SH3BP5: variants seen among roughly 807,000 people sequenced by gnomAD.
SH3BP5 encodes SH3 domain binding protein 5, also known as SH3 domain-binding protein 5.
SH3BP5 carries 22 observed loss-of-function variants against 43.3 expected under a neutral mutation model. The observed-to-expected ratio is 0.51, with a 90% confidence interval of 0.36 to 0.73. The LOEUF (loss-of-function observed/expected upper bound fraction) is 0.73. Ranked by LOEUF, SH3BP5 falls within the 30% of genes least tolerant of loss-of-function variation. The probability of loss-of-function intolerance (pLI) is 0.00; values close to 1 mark genes in which losing one functional copy is unlikely to be tolerated. For synonymous variants in SH3BP5, 255 were observed against 225.8 expected (o/e 1.13, Z -1.16); for missense variants, 529 against 586.9 (o/e 0.90, Z 1.02).
chr3:15,274,465 C>T (rs868096865), intron 3 of SH3BP5, among the ~76,000 whole-genome samples: 17 of 152,018 alleles, frequency 1.1e-4, no homozygotes, highest in South Asian at 4.2e-4. Flanking sequence ...ATCCTGGGTG[C>T]GGGGAAAGTG....
In SH3BP5 at chr3:15,311,200, A is replaced by G. The variant is rs192887787; in HGVS notation, c.202-6969T>C. Among the ~76,000 whole-genome samples, 42 of 152,330 alleles carry G rather than the reference A, an allele frequency of 2.8e-4. No individual in the cohort carries two copies. The East Asian group carries it at 4.4e-3, about 16-fold the overall frequency. On this transcript the variant is annotated intron_variant, in intron 2 of 8. Coordinates refer to ENST00000383791, the MANE Select transcript of SH3BP5 (RefSeq NM_004844.5). ...TTCAGTTGGCAGAAAGAGGTTTCCC[A>G]GGCATTATCTGAGACACACAACAAC...
At position 15,256,029 on chromosome 3, in the gene SH3BP5, G is replaced by A. The variant is rs534762091; in HGVS notation, c.*57C>T. On this transcript the variant is annotated 3_prime_UTR_variant, in exon 9 of 9. Transcript: ENST00000383791. The stretch of plus-strand genomic sequence containing the variant: ...TATATTAAATGATTATTGGCACAAT[G>A]TTCTCCAGTTCCATGTATAAATGTT... The A allele has an allele frequency of 1.5e-6, 2 of 1,342,434 alleles. No homozygotes were observed. Among genetic ancestry groups the A allele is most frequent in the Admixed American group, 3.7e-5 (2 of 54,636 alleles). The allele number at this position is 1,342,434 out of a possible 1,614,324, so 83.2% of individuals were successfully genotyped here. A position where few individuals can be genotyped will look rare whatever the true frequency, so the allele number is the denominator to read the frequency against.
intron 3 of SH3BP5, among the ~76,000 whole-genome samples, chr3:15,290,528 A>C (rs1433854105): frequency 1.4e-5 from 2 of 147,400 alleles, no homozygotes; most frequent in African/African-American, 5.0e-5. Flanking sequence ...TCTGTCCCAA[A>C]AAAAAAAAAA....
At chr3:15,300,505 GGC>G (rs557300212) in intron 3 of SH3BP5, among the ~76,000 whole-genome samples, 1,818 of 13,710 alleles carry the variant, frequency 0.13, 21 homozygotes, top group Middle Eastern at 0.4. Context: ...AGGAAGCGGG[GGC>G]GGGGGGACAA....
chr3:15,321,647 G>GCAA (rs10662491), intron 2 of SH3BP5, among the ~76,000 whole-genome samples: 71,919 of 151,230 alleles, frequency 0.48, 18,144 homozygotes, highest in African/African-American at 0.65. Context: ...TCAGCAGCTA[G>GCAA]CAACAACTGG....
At chr3:15,262,583 G>T (rs925910933) in intron 4 of SH3BP5, among the ~76,000 whole-genome samples, 11 of 152,186 alleles carry the variant, frequency 7.2e-5, no homozygotes, top group Non-Finnish European at 1.5e-4. Context: ...CTTGAACCCG[G>T]AGGCAGAGGT....
chr3:15,282,384 T>G (rs1697155108), intron 3 of SH3BP5, among the ~76,000 whole-genome samples: 1 of 152,196 alleles, frequency 6.6e-6, no homozygotes, highest in Admixed American at 6.5e-5. Context: ...GCTATCTTAT[T>G]TATTGCTGTG....
intron 7 of SH3BP5, 59 bp from the exon 8 acceptor site, chr3:15,257,172 T>G (rs1696240774): frequency 1.3e-6 from 2 of 1,557,932 alleles, no homozygotes; most frequent in East Asian, 2.3e-5. Context: ...ACACCACAAG[T>G]GCTTGCTGCT....
upstream of SH3BP5, among the ~76,000 whole-genome samples, chr3:15,336,112 C>T (rs986368704): frequency 1.3e-5 from 2 of 151,668 alleles, no homozygotes; most frequent in African/African-American, 4.8e-5. Context: ...CCAGCGTGGG[C>T]GATAAGAGTG....
rs965094604 is a variant in SH3BP5 at position 15,269,713 on chromosome 3, C to T, written c.495G>A (p.Arg165=). 3.1e-6 allele frequency: 5 copies of T among 1,591,236 alleles called. No individual in the cohort carries two copies. The highest frequency in any genetic ancestry group is 1.3e-5 in the African/African-American group (1 of 74,436). ...CAGCACACCCGGCCATGACTCATAC[C>T]CTCTGAGTGGCGTGATTCAGCATCT... ...WQEMLNHATQ[R]VMEAEQTKTR... The change falls in exon 4 of 9, where the codon AGG becomes AGA. Residue 165 remains arginine (R), a splice_region_variant and synonymous_variant. Coordinates refer to ENST00000383791, the MANE Select transcript of SH3BP5 (RefSeq NM_004844.5).
At chr3:15,299,595 G>C (rs1022820262) in intron 3 of SH3BP5, among the ~76,000 whole-genome samples, 1 of 141,910 alleles carries the variant, frequency 7.0e-6, no homozygotes, top group African/African-American at 2.6e-5. Context: ...CTGTGCTCAA[G>C]CAATCCTCCT....
At chr3:15,311,162 C>A (rs980448458) in intron 2 of SH3BP5, among the ~76,000 whole-genome samples, 6 of 152,210 alleles carry the variant, frequency 3.9e-5, no homozygotes, top group African/African-American at 1.4e-4. Flanking sequence ...ATGCCATTTA[C>A]AAGTATACCA....
At chr3:15,292,703 C>A (rs1258677523) in intron 3 of SH3BP5, among the ~76,000 whole-genome samples, 1 of 152,134 alleles carries the variant, frequency 6.6e-6, no homozygotes, top group African/African-American at 2.4e-5. Flanking sequence ...ACAAAATTAG[C>A]TGGGCGTGGT....
chr3:15,256,739 A>G (rs1203840945), intron 8 of SH3BP5, 114 bp downstream of exon 8: 1 of 1,210,112 alleles, frequency 8.3e-7, no homozygotes, highest in Non-Finnish European at 1.1e-6. Flanking sequence ...AACCACAGAG[A>G]CCTGGTAATG....
chr3:15,291,173 C>T (rs1249078215), intron 3 of SH3BP5, among the ~76,000 whole-genome samples: 1 of 152,208 alleles, frequency 6.6e-6, no homozygotes, highest in Non-Finnish European at 1.5e-5. Context: ...GCTAGAACAG[C>T]AGCATGAGCA....
intron 3 of SH3BP5, among the ~76,000 whole-genome samples, 167 bp downstream of exon 3, chr3:15,303,936 A>T (rs1697825071): frequency 6.6e-6 from 1 of 152,158 alleles, no homozygotes; most frequent in Admixed American, 6.5e-5. Flanking sequence ...CCCTATTAAT[A>T]GTGTCGAGCA....
rs1229782107 is a variant in SH3BP5, at chr3:15,300,899, C to T, written c.330+3204G>A. Among the ~76,000 whole-genome samples, 3 of 152,298 alleles carry T rather than the reference C, an allele frequency of 2.0e-5. No individual in the cohort carries two copies. In the East Asian group the frequency reaches 5.8e-4, roughly 29 times the overall value. On this transcript the variant is annotated intron_variant, in intron 3 of 8. Coordinates refer to ENST00000383791, the MANE Select transcript of SH3BP5 (RefSeq NM_004844.5). The stretch of plus-strand genomic sequence containing the variant: ...AGCTGCCCATTAAGAGTGACTCACT[C>T]ATCCCCAGGACCTGGGCATCATCTG...
intron 2 of SH3BP5, among the ~76,000 whole-genome samples, chr3:15,305,461 G>C (rs1286350326): frequency 6.6e-6 from 1 of 150,520 alleles, no homozygotes; most frequent in Non-Finnish European, 1.5e-5. Flanking sequence ...GGGTGAGGTA[G>C]GTATTACAGC....
chr3:15,294,826 T>G (rs1359193130), intron 3 of SH3BP5, among the ~76,000 whole-genome samples: 1 of 152,170 alleles, frequency 6.6e-6, no homozygotes, highest in Non-Finnish European at 1.5e-5. Context: ...CAACCAAGTC[T>G]GAAGGGTAGG....
Sources: allele counts gnomAD v4.1 joint callset (sites outside exome capture counted in the v4.1 genomes callset), GRCh38; gene constraint gnomAD v4.1.1; transcripts MANE v1.5; gene names NCBI Gene and HGNC (gene_info 2026-07-23, HGNC 2026-07-21).